TEX36: variants seen among roughly 807,000 people sequenced by gnomAD.
The protein encoded by TEX36 is testis-expressed protein 36.
In TEX36, 12 loss-of-function variants were observed where a neutral mutation model predicts 13.6. The observed-to-expected ratio is 0.88, with a 90% confidence interval of 0.56 to 1.43. TEX36 has a LOEUF of 1.43. Among genes scored for constraint, TEX36 ranks in the 40% most tolerant of loss-of-function variants. The probability of loss-of-function intolerance (pLI) is 0.00; values close to 1 mark genes in which losing one functional copy is unlikely to be tolerated. For synonymous variants in TEX36, 93 were observed against 83.0 expected, an observed-to-expected ratio of 1.12 and a Z score of -0.65; for missense variants, 224 against 228.3, an observed-to-expected ratio of 0.98 and a Z score of 0.12.
At chr10:125,608,173 G>A (rs979954084) in intron 3 of TEX36, among the ~76,000 whole-genome samples, 1 of 152,192 alleles carries the variant, frequency 6.6e-6, no homozygotes, top group Non-Finnish European at 1.5e-5. Context: ...ACAATAAAGA[G>A]AAAGGAGGAT....
At chr10:125,680,375 T>G (rs1341460140) in intron 1 of TEX36, among the ~76,000 whole-genome samples, 1 of 152,192 alleles carries the variant, frequency 6.6e-6, no homozygotes, top group Non-Finnish European at 1.5e-5. Flanking sequence ...GGCTCTAGCG[T>G]TTTAATTTCG....
chr10:125,634,776 C>T (rs1474787516), intron 3 of TEX36, among the ~76,000 whole-genome samples: 1 of 152,102 alleles, frequency 6.6e-6, no homozygotes, highest in Non-Finnish European at 1.5e-5. Context: ...AAAACATCCA[C>T]CAGTTCATTA....
chr10:125,579,544 C>A (rs903994168), intron 3 of TEX36, among the ~76,000 whole-genome samples: 7 of 152,204 alleles, frequency 4.6e-5, no homozygotes, highest in African/African-American at 1.7e-4. Context: ...CTTTCTCATT[C>A]CTTCAAGCCC....
In TEX36 at chr10:125,660,960, G is replaced by GA. The variant is rs146024939; in HGVS notation, c.264+60dup. Reference sequence around the variant, plus strand: ...AATCCTCTATCTTCAACACACCCCAGAAAATCAAGATCCCTTGTGTTGTTC... The same window carrying GA: ...AATCCTCTATCTTCAACACACCCCAGAAAAATCAAGATCCCTTGTGTTGTTC... On this transcript the variant is annotated intron_variant, in intron 3 of 3. Transcript: ENST00000368821. 3.6e-5 allele frequency: 51 copies of GA among 1,436,352 alleles called. No homozygotes were observed. The East Asian group carries it at 1.2e-3, about 34-fold the overall frequency. The allele number at this position is 1,436,352 out of a possible 1,614,324, so 89.0% of individuals were successfully genotyped here.
At chr10:125,608,409 A>G (rs1010904968) in intron 3 of TEX36, among the ~76,000 whole-genome samples, 5 of 152,258 alleles carry the variant, frequency 3.3e-5, no homozygotes, top group Admixed American at 3.3e-4. Flanking sequence ...AAAAAACTTT[A>G]AAGAATGAAA....
intron 3 of TEX36, among the ~76,000 whole-genome samples, chr10:125,612,283 C>T (rs1846299481): frequency 7.2e-6 from 1 of 138,892 alleles, no homozygotes; most frequent in African/African-American, 2.6e-5. Flanking sequence ...AGGATTTCAC[C>T]GTATTGGTCA....
At chr10:125,580,240 G>T (rs1028670975) in intron 3 of TEX36, among the ~76,000 whole-genome samples, 1 of 152,188 alleles carries the variant, frequency 6.6e-6, no homozygotes, top group African/African-American at 2.4e-5. Context: ...TTAAAGTCAG[G>T]CAAGTGAAAG....
chr10:125,647,201 T>C (rs911197255), intron 3 of TEX36, among the ~76,000 whole-genome samples: 6 of 152,214 alleles, frequency 3.9e-5, no homozygotes, highest in Non-Finnish European at 7.3e-5. Context: ...TTTGCTATAA[T>C]GTCACTCCAG....
chr10:125,625,735 C>T lies in TEX36; in HGVS notation c.265-4090G>A, dbSNP rs111732273. On this transcript the variant is annotated intron_variant, in intron 3 of 3. Transcript: ENST00000526819. Reference sequence around the variant, plus strand: ...AGCAAGGAACAGAACGTTGCCAACACCCCAGAGGCGCAGCCCTGGACTCTT... The same window carrying T: ...AGCAAGGAACAGAACGTTGCCAACATCCCAGAGGCGCAGCCCTGGACTCTT... 2.2e-3 allele frequency among the ~76,000 whole-genome samples: 332 copies of T among 152,378 alleles called. 3 individuals carry two copies. Among genetic ancestry groups the T allele is most frequent in the African/African-American group, 7.4e-3 (308 of 41,578 alleles).
At chr10:125,609,148 C>G (rs943946934) in intron 3 of TEX36, among the ~76,000 whole-genome samples, 1 of 139,050 alleles carries the variant, frequency 7.2e-6, no homozygotes, top group African/African-American at 3.0e-5. Flanking sequence ...GAGGGAGACT[C>G]CATCTCAGGA....
intron 3 of TEX36, among the ~76,000 whole-genome samples, chr10:125,644,748 G>A (rs1416577923): frequency 6.6e-6 from 1 of 152,158 alleles, no homozygotes; most frequent in Admixed American, 6.6e-5. Flanking sequence ...CCATGATTAT[G>A]TTATGTTACA....
chr10:125,676,775 C>T (rs923470273), intron 1 of TEX36, among the ~76,000 whole-genome samples: 3 of 151,914 alleles, frequency 2.0e-5, no homozygotes, highest in South Asian at 2.1e-4. Flanking sequence ...TCTCTTCCTC[C>T]TTTGTGTGAT....
At position 125,661,000 on chromosome 10, in the gene TEX36, A is replaced by G. The variant is rs1255686446; in HGVS notation, c.264+21T>C. On this transcript the variant is annotated intron_variant, in intron 3 of 3. Transcript: ENST00000368821. ...TTGTGTTGTTCCCTGTTTTATTAAT[A>G]ATTTGGAAAGAAATACTCACGGAGT... 10 of 1,540,738 alleles carry G rather than the reference A, an allele frequency of 6.5e-6. No homozygotes were observed. In the Admixed American group the frequency reaches 2.0e-4, roughly 30 times the overall value.
chr10:125,616,259 A>G (rs1382229015), intron 3 of TEX36, among the ~76,000 whole-genome samples: 2 of 151,932 alleles, frequency 1.3e-5, no homozygotes, highest in Admixed American at 6.6e-5. Flanking sequence ...AATTTTTTGA[A>G]TGGTTTTTTT....
chr10:125,650,688 T>C (rs1241322143), intron 3 of TEX36, among the ~76,000 whole-genome samples: 1 of 151,912 alleles, frequency 6.6e-6, no homozygotes, highest in Non-Finnish European at 1.5e-5. Flanking sequence ...AAAAAACCCT[T>C]CAAAAAAATC....
intron 3 of TEX36, among the ~76,000 whole-genome samples, chr10:125,606,254 A>G (rs1440359010): frequency 6.6e-6 from 1 of 152,232 alleles, no homozygotes; most frequent in Non-Finnish European, 1.5e-5. Flanking sequence ...CAAGACATCA[A>G]TAGATTCCTA....
intron 3 of TEX36, among the ~76,000 whole-genome samples, chr10:125,611,760 C>T (rs1041839338): frequency 2.0e-5 from 3 of 151,834 alleles, no homozygotes; most frequent in Admixed American, 6.6e-5. Context: ...TAGTATTATG[C>T]TAAAAGAAAA....
At chr10:125,579,381 A>G (rs1473192746) in intron 3 of TEX36, among the ~76,000 whole-genome samples, 1 of 152,156 alleles carries the variant, frequency 6.6e-6, no homozygotes, top group African/African-American at 2.4e-5. Context: ...TCTCATGAGA[A>G]TTCACTCACT....
chr10:125,610,461 C>T (rs1189373246), intron 3 of TEX36, among the ~76,000 whole-genome samples: 1 of 151,180 alleles, frequency 6.6e-6, no homozygotes, highest in African/African-American at 2.5e-5. Flanking sequence ...AATGCAGACT[C>T]TCAGGCCCCA....
Sources: gnomAD v4.1 joint callset for allele counts (sites outside exome capture counted in the v4.1 genomes callset) on GRCh38, gnomAD v4.1.1 for gene constraint, MANE v1.5 for transcripts, NCBI Gene and HGNC (gene_info 2026-07-23, HGNC 2026-07-21) for gene names.